Variants in NMNAT2 observed in about 807,000 individuals in gnomAD.
The protein encoded by NMNAT2 is nicotinamide nucleotide adenylyltransferase 2.
Under a neutral mutation model 41.6 loss-of-function variants are expected in NMNAT2, and 11 were observed. That is an observed-to-expected ratio of 0.26 (90% CI 0.17 to 0.44). The LOEUF (loss-of-function observed/expected upper bound fraction) is 0.44, where lower values mean the gene tolerates loss of function less well. NMNAT2 is among the 20% of genes least tolerant of loss of function. NMNAT2 has a pLI of 1.00. For missense variants in NMNAT2, 288 were observed against 407.7 expected, an observed-to-expected ratio of 0.71 and a Z score of 2.53; for synonymous variants, 148 against 151.2, an observed-to-expected ratio of 0.98 and a Z score of 0.16.
intron 1 of NMNAT2, among the ~76,000 whole-genome samples, chr1:183,356,712 A>G (rs1019645410): frequency 1.3e-5 from 2 of 152,256 alleles, no homozygotes; most frequent in African/African-American, 4.8e-5. Context: ...TTAACTAACA[A>G]GGAGATGAGA....
intron 10 of NMNAT2, among the ~76,000 whole-genome samples, chr1:183,255,662 GTT>G (rs56106186): frequency 0.026 from 2,616 of 100,884 alleles, 27 homozygotes; most frequent in East Asian, 0.045. Context: ...ATTCCTAAGG[GTT>G]TTTTTTTTTT....
At chr1:183,337,412 C>T (rs1662699509) in intron 1 of NMNAT2, among the ~76,000 whole-genome samples, 1 of 151,990 alleles carries the variant, frequency 6.6e-6, no homozygotes. Context: ...AAAATCCTCA[C>T]ATCACTATTT....
chr1:183,346,670 T>A (rs932800419), intron 1 of NMNAT2, among the ~76,000 whole-genome samples: 2 of 152,176 alleles, frequency 1.3e-5, no homozygotes, highest in African/African-American at 2.4e-5. Flanking sequence ...ACGACCAACC[T>A]TCTTTTTGTT....
chr1:183,325,546 C>T (rs1662443348), intron 1 of NMNAT2, among the ~76,000 whole-genome samples: 1 of 152,170 alleles, frequency 6.6e-6, no homozygotes, highest in Non-Finnish European at 1.5e-5. Flanking sequence ...CTCCAGAAAC[C>T]TCTAGAGAAA....
intron 6 of NMNAT2, 71 bp from the exon 7 acceptor site, chr1:183,284,110 AG>A: frequency 9.3e-7 from 1 of 1,078,856 alleles, no homozygotes. Flanking sequence ...AGTCTGCCTG[AG>A]GGCCTCAGCA....
intron 1 of NMNAT2, among the ~76,000 whole-genome samples, chr1:183,309,874 C>T (rs1411698198): frequency 2.6e-5 from 4 of 152,154 alleles, no homozygotes; most frequent in Admixed American, 6.5e-5. Context: ...ATTTTGGTTT[C>T]GTTCATTTTT....
At position 183,249,895 on chromosome 1, in the gene NMNAT2, C is replaced by A. The variant is rs1660330396; in HGVS notation, c.*2746G>T. 6.6e-6 allele frequency: 1 copy of A among 152,124 alleles called. No individual in the cohort carries two copies. The highest frequency in any genetic ancestry group is 2.4e-5 in the African/African-American group (1 of 41,402). The allele number at this position is 152,124 out of a possible 1,614,324, so 9.4% of individuals were successfully genotyped here. ...TCCTAGAAATCTACTTCTATGGCAC[C>A]TGTTCTTTGTCTTAATTCATCTCAC... On this transcript the variant is annotated 3_prime_UTR_variant, in exon 11 of 11. Transcript: ENST00000287713.
At chr1:183,334,162 G>A (rs1269418645) in intron 1 of NMNAT2, among the ~76,000 whole-genome samples, 1 of 152,110 alleles carries the variant, frequency 6.6e-6, no homozygotes, top group Admixed American at 6.5e-5. Context: ...TCTCTTTCGG[G>A]CTCAAGCAAT....
chr1:183,414,360 A>T (rs1649200624), intron 1 of NMNAT2, among the ~76,000 whole-genome samples: 1 of 152,232 alleles, frequency 6.6e-6, no homozygotes, highest in Non-Finnish European at 1.5e-5. Context: ...TAGCCAAAAT[A>T]ATCTGAGCTG....
intron 1 of NMNAT2, among the ~76,000 whole-genome samples, chr1:183,415,373 A>G (rs1649225955): frequency 6.6e-6 from 1 of 152,244 alleles, no homozygotes; most frequent in African/African-American, 2.4e-5. Flanking sequence ...TAGTTCATAA[A>G]TAACTGGTTT....
intron 7 of NMNAT2, among the ~76,000 whole-genome samples, chr1:183,281,980 C>T (rs1447653280): frequency 6.6e-6 from 1 of 152,242 alleles, no homozygotes; most frequent in East Asian, 1.9e-4. Context: ...TGCACACTCT[C>T]TGTCCACACT....
intron 1 of NMNAT2, among the ~76,000 whole-genome samples, chr1:183,300,669 A>T (rs1213355060): frequency 1.3e-5 from 2 of 152,212 alleles, no homozygotes. Context: ...CTTCCTGCAA[A>T]TCTATAGTTA....
At chr1:183,299,375 CA>C (rs914658505) in intron 1 of NMNAT2, among the ~76,000 whole-genome samples, 7 of 144,572 alleles carry the variant, frequency 4.8e-5, no homozygotes, top group Admixed American at 2.8e-4. Flanking sequence ...GACTCTGTCT[CA>C]AAAAAAAATA....
rs751602328 is a variant in NMNAT2, at chr1:183,261,212, C to T, written c.743G>A (p.Arg248His). The T allele has an allele frequency of 7.4e-6, 12 of 1,613,864 alleles. No homozygotes were observed. The highest frequency in any genetic ancestry group is 2.7e-5 in the African/African-American group (2 of 74,884). ...DRIMNHSSILRKYKNNIMVVK... is the reference protein window; with the variant it reads ...DRIMNHSSILHKYKNNIMVVK... Reference sequence around the variant, plus strand: ...GGATGGAGGACTCACTTTGTATTTGCGGAGTATTGAGGAGTGATTCATGAT... The same window carrying T: ...GGATGGAGGACTCACTTTGTATTTGTGGAGTATTGAGGAGTGATTCATGAT... Residue 248 changes from arginine (R) to histidine (H), a missense_variant, in exon 9 of 11, where the codon CGC becomes CAC. Physicochemically the swap from Arg to His is conservative, Grantham distance 29. Transcript: ENST00000287713.
At chr1:183,309,891 A>G (rs889606946) in intron 1 of NMNAT2, among the ~76,000 whole-genome samples, 1 of 152,130 alleles carries the variant, frequency 6.6e-6, no homozygotes, top group Admixed American at 6.6e-5. Flanking sequence ...TTTTTAGCTA[A>G]AGGTGCAGTG....
intron 1 of NMNAT2, among the ~76,000 whole-genome samples, chr1:183,396,937 C>T (rs1050687878): frequency 9.9e-5 from 15 of 152,208 alleles, no homozygotes; most frequent in African/African-American, 1.9e-4. Context: ...CCATGTGACT[C>T]GGATGCATTC....
At chr1:183,323,825 A>G (rs1447823068) in intron 1 of NMNAT2, among the ~76,000 whole-genome samples, 1 of 152,232 alleles carries the variant, frequency 6.6e-6, no homozygotes, top group Non-Finnish European at 1.5e-5. Context: ...ACAGGAAAGA[A>G]TATCTTAGGA....
chr1:183,345,797 C>G (rs1281811562), intron 1 of NMNAT2, among the ~76,000 whole-genome samples: 2 of 151,960 alleles, frequency 1.3e-5, no homozygotes, highest in African/African-American at 4.8e-5. Flanking sequence ...CGCCATTCTC[C>G]TGCCTCAGCC....
chr1:183,413,625 G>A (rs1458006406), intron 1 of NMNAT2, among the ~76,000 whole-genome samples: 7 of 40,332 alleles, frequency 1.7e-4, no homozygotes, highest in Admixed American at 1.5e-3. Context: ...TTTTTTTTTT[G>A]AGACGGAGTC....
Sources: gnomAD v4.1 joint callset for allele counts (sites outside exome capture counted in the v4.1 genomes callset) on GRCh38, gnomAD v4.1.1 for gene constraint, MANE v1.5 for transcripts, NCBI Gene and HGNC (gene_info 2026-07-23, HGNC 2026-07-21) for gene names.